PTPRB: variants seen among roughly 807,000 people sequenced by gnomAD.
The protein encoded by PTPRB is receptor-type tyrosine-protein phosphatase beta.
Under a neutral mutation model 238.1 loss-of-function variants are expected in PTPRB, and 97 were observed. That is an observed-to-expected ratio of 0.41 (90% CI 0.35 to 0.48). PTPRB has a LOEUF of 0.48. Among genes scored for constraint, PTPRB ranks in the 20% least tolerant of loss-of-function variants. The pLI is 0.30. For missense variants in PTPRB, 2,292 were observed against 2,681.9 expected, an observed-to-expected ratio of 0.85 and a Z score of 3.21; for synonymous variants, 970 against 995.4, an observed-to-expected ratio of 0.97 and a Z score of 0.48.
chr12:70,605,285 C>T (rs1175438510), intron 4 of PTPRB, among the ~76,000 whole-genome samples: 2 of 152,122 alleles, frequency 1.3e-5, no homozygotes, highest in Non-Finnish European at 2.9e-5. Context: ...AGTATATGTA[C>T]ATTCTCTCAC....
intron 16 of PTPRB, among the ~76,000 whole-genome samples, chr12:70,562,323 C>T (rs1323745587): frequency 6.6e-6 from 1 of 152,032 alleles, no homozygotes; most frequent in Non-Finnish European, 1.5e-5. Flanking sequence ...ATAAAGGACT[C>T]AAATTATGGG....
chr12:70,621,131 C>T (rs767585619), intron 3 of PTPRB, among the ~76,000 whole-genome samples: 1 of 152,174 alleles, frequency 6.6e-6, no homozygotes. Flanking sequence ...TGATGGTATC[C>T]TTAAGTCATA....
chr12:70,608,120 T>G (rs1884117975), intron 4 of PTPRB, among the ~76,000 whole-genome samples: 1 of 152,250 alleles, frequency 6.6e-6, no homozygotes, highest in East Asian at 1.9e-4. Flanking sequence ...CTGTTTCAGG[T>G]TGAAATGTGA....
Position 70,592,296 on chromosome 12 carries a change from G to A in PTPRB, c.1766C>T (p.Ala589Val). Residue 589 changes from alanine (A) to valine (V), a missense_variant, in exon 7 of 34, where the codon GCA becomes GTA. Coordinates refer to ENST00000334414, the MANE Select transcript of PTPRB (RefSeq NM_001109754.4). ...CCAAGACTCACATGTTCTGCCCACT[G>A]CCATCTTCTGAGCAGACAGTTCACC... ...VSGELSAQKM[A>V]VGRTFPDKVA... 6.2e-7 allele frequency: 1 copy of A among 1,613,986 alleles called. No homozygotes were observed.
chr12:70,621,882 G>C (rs1397906616), intron 3 of PTPRB, among the ~76,000 whole-genome samples: 1 of 152,212 alleles, frequency 6.6e-6, no homozygotes, highest in East Asian at 1.9e-4. Context: ...TCAGTCATTT[G>C]ACTAATGTCA....
At chr12:70,593,797 G>T (rs1882734546) in intron 6 of PTPRB, among the ~76,000 whole-genome samples, 1 of 152,160 alleles carries the variant, frequency 6.6e-6, no homozygotes, top group South Asian at 2.1e-4. Context: ...AACTTACCAA[G>T]AGAGGAGATT....
In PTPRB at chr12:70,635,983, T is replaced by C. The variant is rs1364856409; in HGVS notation, c.139A>G (p.Ile47Val). The change falls in exon 2 of 34, where the codon ATC becomes GTC. Residue 47 changes from isoleucine to valine, a missense_variant. Around this residue, in one of 4 missense-constraint regions of PTPRB, gnomAD observed 1,205 missense variants for 1,287.8 expected, o/e 0.94. Transcript: ENST00000334414. The stretch of plus-strand genomic sequence containing the variant: ...GTCCACATCCACTGCTGGTTCTGGA[T>C]GGTCCTGTTGCATGAGCCCACGACC... ...KVVVGSCNRT[I>V]QNQQWMWTED... The C allele has an allele frequency of 5.6e-6, 9 of 1,613,486 alleles. No individual in the cohort carries two copies. Among genetic ancestry groups the C allele is most frequent in the Non-Finnish European group, 5.9e-6 (7 of 1,179,788 alleles).
chr12:70,577,169 ACAAC>A lies in PTPRB; in HGVS notation c.2579-528_2579-525del, dbSNP rs1199013614. Among the ~76,000 whole-genome samples the A allele has an allele frequency of 9.2e-5, 14 of 152,310 alleles. No homozygotes were observed. In the East Asian group the frequency reaches 2.7e-3, roughly 29 times the overall value. On this transcript the variant is annotated intron_variant, in intron 10 of 33. Coordinates refer to ENST00000334414, the MANE Select transcript of PTPRB (RefSeq NM_001109754.4). ...TCATTCCTGGGAAGTAATAGCTAAC[ACAAC>A]CAGAGGGACCGTTTTCCCTTTGCAA... is the stretch of plus-strand genomic sequence containing the variant.
At chr12:70,601,831 A>C (rs1287082880) in intron 4 of PTPRB, among the ~76,000 whole-genome samples, 39 of 130,746 alleles carry the variant, frequency 3.0e-4, no homozygotes, top group African/African-American at 1.1e-3. Flanking sequence ...TCACTCTGTC[A>C]CCCAGGCTGG....
rs552568744 is a variant in PTPRB at position 70,560,541 on chromosome 12, C to T, written c.4432+130G>A. ...TTTATCTGTTGTCCCACAGTCCCTTCCCAAATTCAGGGGCTAGCTCAGGGT... is the reference window on the plus strand; with the variant it reads ...TTTATCTGTTGTCCCACAGTCCCTTTCCAAATTCAGGGGCTAGCTCAGGGT... On this transcript the variant is annotated intron_variant, in intron 17 of 33. Coordinates refer to ENST00000334414, the MANE Select transcript of PTPRB (RefSeq NM_001109754.4). This position sits in a 1 kb window ranked among gnomAD's most constrained non-coding sequence, Gnocchi z 4.2. 2 of 1,234,210 alleles carry T rather than the reference C, an allele frequency of 1.6e-6. No individual in the cohort carries two copies. Among genetic ancestry groups the T allele is most frequent in the East Asian group, 4.9e-5 (2 of 41,128 alleles). The allele number at this position is 1,234,210 out of a possible 1,614,324, so 76.5% of individuals were successfully genotyped here.
chr12:70,636,602 A>G (rs1885707121), intron 1 of PTPRB, among the ~76,000 whole-genome samples: 1 of 152,192 alleles, frequency 6.6e-6, no homozygotes, highest in South Asian at 2.1e-4. Flanking sequence ...CAAAAAATAA[A>G]ACAAATTTTC....
chr12:70,562,281 C>T (rs908785474), intron 16 of PTPRB, among the ~76,000 whole-genome samples: 2 of 151,580 alleles, frequency 1.3e-5, no homozygotes, highest in African/African-American at 4.9e-5. Context: ...GAGAACTCGT[C>T]CCCCCCCAAA....
At chr12:70,578,885 T>C (rs954799569) in intron 10 of PTPRB, among the ~76,000 whole-genome samples, 7 of 152,142 alleles carry the variant, frequency 4.6e-5, no homozygotes, top group Non-Finnish European at 5.9e-5. Flanking sequence ...GCCATGTAAC[T>C]GAGTTCTGGC....
chr12:70,564,855 T>C (rs758334667), intron 15 of PTPRB, among the ~76,000 whole-genome samples: 1 of 77,068 alleles, frequency 1.3e-5, no homozygotes, highest in Non-Finnish European at 2.6e-5. Context: ...ATAATAATAA[T>C]AATAATAATA....
At chr12:70,606,500 A>G (rs73328135) in intron 4 of PTPRB, among the ~76,000 whole-genome samples, 3,617 of 152,330 alleles carry the variant, frequency 0.024, 124 homozygotes, top group African/African-American at 0.066. Flanking sequence ...AGCAACAACT[A>G]TATTTCTATC....
Position 70,605,366 on chromosome 12 carries a change from C to T in PTPRB, c.979+3703G>A, listed in dbSNP as rs545663760. ...CTATATATTGGTCTATCTATCTCTTCTACTCATCATCCGTGCCCAGATCCA... is the reference window on the plus strand; with the variant it reads ...CTATATATTGGTCTATCTATCTCTTTTACTCATCATCCGTGCCCAGATCCA... On this transcript the variant is annotated intron_variant, in intron 4 of 33. Coordinates refer to ENST00000334414, the MANE Select transcript of PTPRB (RefSeq NM_001109754.4). Among the ~76,000 whole-genome samples the T allele has an allele frequency of 9.2e-5, 14 of 152,322 alleles. No individual in the cohort carries two copies. The South Asian group carries it at 2.7e-3, about 29-fold the overall frequency.
chr12:70,531,027 C>G (rs191184086), intron 32 of PTPRB, among the ~76,000 whole-genome samples: 61 of 152,352 alleles, frequency 4.0e-4, no homozygotes, highest in African/African-American at 1.4e-3. Context: ...ATTGTTTTGT[C>G]AAATGTGAGT....
intron 9 of PTPRB, 55 bp downstream of exon 9, chr12:70,586,952 A>G: frequency 6.6e-7 from 1 of 1,516,080 alleles, no homozygotes. Flanking sequence ...TGCATGTTAA[A>G]TAGTAATTCA....
chr12:70,622,767 G>A, intron 2 of PTPRB, 121 bp from the exon 3 acceptor site: 1 of 1,217,282 alleles, frequency 8.2e-7, no homozygotes, highest in East Asian at 2.6e-5. Flanking sequence ...ATAAGCTTCA[G>A]TTATATGAAA....
Sources: gnomAD v4.1 joint callset for allele counts (sites outside exome capture counted in the v4.1 genomes callset) on GRCh38, gnomAD v4.1.1 for gene constraint, gnomAD v4.1.1 regional missense constraint, Gnocchi (gnomAD v3.1) non-coding constraint, MANE v1.5 for transcripts, NCBI Gene and HGNC (gene_info 2026-07-23, HGNC 2026-07-21) for gene names.